The following ADAMTS17 variants were observed in gnomAD, a reference collection of about 807,000 sequenced individuals.
ADAMTS17 encodes A disintegrin and metalloproteinase with thrombospondin motifs 17.
Under a neutral mutation model 141.5 loss-of-function variants are expected in ADAMTS17, and 113 were observed. The observed-to-expected ratio is 0.80, with a 90% CI of 0.69 to 0.93. The LOEUF (loss-of-function observed/expected upper bound fraction) is 0.93, where lower values mean the gene tolerates loss of function less well. ADAMTS17 is among the 40% of genes least tolerant of loss of function. The probability of loss-of-function intolerance (pLI) is 0.00; values close to 1 mark genes in which losing one functional copy is unlikely to be tolerated. For missense variants in ADAMTS17, 1,659 were observed against 1,517.9 expected (o/e 1.09, Z -1.54); for synonymous variants, 768 against 630.6 (o/e 1.22, Z -3.27).
intron 18 of ADAMTS17, among the ~76,000 whole-genome samples, chr15:99,998,506 A>T (rs1364676950): frequency 1.3e-5 from 2 of 152,230 alleles, no homozygotes; most frequent in African/African-American, 4.8e-5. Flanking sequence ...CAGGAGGCTG[A>T]GGCAGGAGAA....
At chr15:99,976,645 A>G in intron 20 of ADAMTS17, 1 of 305,216 alleles carries the variant, frequency 3.3e-6, no homozygotes, top group Non-Finnish European at 6.3e-6. Flanking sequence ...TGGAGCCTCC[A>G]TGCTGGGAAT....
intron 18 of ADAMTS17, among the ~76,000 whole-genome samples, chr15:100,031,658 G>C (rs958563884): frequency 6.6e-6 from 1 of 152,178 alleles, no homozygotes; most frequent in Non-Finnish European, 1.5e-5. Context: ...TCTCATTTTC[G>C]ACATAATGCC....
chr15:100,309,868 G>A (rs573391108), intron 3 of ADAMTS17, among the ~76,000 whole-genome samples: 3 of 152,320 alleles, frequency 2.0e-5, no homozygotes, highest in East Asian at 1.9e-4. Context: ...GCCAACGCCT[G>A]TACACACGTG....
rs140955058 is a variant in ADAMTS17, at chr15:100,277,328, G to A, written c.789+3901C>T. Reference sequence around the variant, plus strand: ...AAAAACAGAGCCCTTCAGTCTTTACGGCCCATGAGGGGTGCAGGGTGGGAG... The same window carrying A: ...AAAAACAGAGCCCTTCAGTCTTTACAGCCCATGAGGGGTGCAGGGTGGGAG... On this transcript the variant is annotated intron_variant, in intron 4 of 21. Coordinates refer to ENST00000268070, the MANE Select transcript of ADAMTS17 (RefSeq NM_139057.4). Among the ~76,000 whole-genome samples the A allele has an allele frequency of 2.5e-3, 377 of 152,008 alleles. 1 individual carries two copies. The highest frequency in any genetic ancestry group is 8.1e-3 in the African/African-American group (336 of 41,438).
chr15:100,027,545 T>C (rs149394195), intron 18 of ADAMTS17, among the ~76,000 whole-genome samples: 1 of 152,382 alleles, frequency 6.6e-6, no homozygotes, highest in East Asian at 1.9e-4. Context: ...ACAGTTTTAT[T>C]AGAATACAGC....
chr15:100,243,978 C>T (rs1174041562), intron 7 of ADAMTS17, among the ~76,000 whole-genome samples: 1 of 152,032 alleles, frequency 6.6e-6, no homozygotes, highest in Non-Finnish European at 1.5e-5. Flanking sequence ...TCTATTCTCA[C>T]ACTGCTAATA....
At chr15:100,016,234 A>G (rs965984379) in intron 18 of ADAMTS17, among the ~76,000 whole-genome samples, 4 of 152,144 alleles carry the variant, frequency 2.6e-5, no homozygotes, top group Admixed American at 2.6e-4. Context: ...TCTTTATGCT[A>G]TCTATTTCCT....
intron 18 of ADAMTS17, among the ~76,000 whole-genome samples, chr15:100,015,346 G>A (rs926068214): frequency 6.6e-6 from 1 of 152,128 alleles, no homozygotes; most frequent in Non-Finnish European, 1.5e-5. Flanking sequence ...TACATTCAAT[G>A]TTCCTATTGG....
chr15:100,329,775 G>A (rs955360032), intron 3 of ADAMTS17, among the ~76,000 whole-genome samples: 2 of 152,132 alleles, frequency 1.3e-5, no homozygotes, highest in African/African-American at 2.4e-5. Context: ...TGCCCACACA[G>A]ACTAGGCTAA....
intron 17 of ADAMTS17, among the ~76,000 whole-genome samples, chr15:100,050,063 A>G (rs933588210): frequency 2.0e-5 from 3 of 152,156 alleles, no homozygotes; most frequent in Admixed American, 2.0e-4. Flanking sequence ...GCAATTTGTC[A>G]TGTAGGGATG....
intron 8 of ADAMTS17, among the ~76,000 whole-genome samples, chr15:100,159,361 T>TA (rs1304042810): frequency 6.6e-6 from 1 of 152,258 alleles, no homozygotes; most frequent in African/African-American, 2.4e-5. Flanking sequence ...ATCAGCTTTT[T>TA]ATTTTCTTCT....
intron 7 of ADAMTS17, among the ~76,000 whole-genome samples, chr15:100,231,878 C>G (rs1325726790): frequency 6.6e-6 from 1 of 152,156 alleles, no homozygotes; most frequent in Non-Finnish European, 1.5e-5. Flanking sequence ...GTAGTAATTC[C>G]TCATCCTTTT....
chr15:100,338,935 T>G, intron 2 of ADAMTS17: 4 of 985,082 alleles, frequency 4.1e-6, no homozygotes, highest in Non-Finnish European at 4.8e-6. Flanking sequence ...AGGACCACCT[T>G]GCAAACAAAG....
intron 8 of ADAMTS17, among the ~76,000 whole-genome samples, chr15:100,167,378 G>C (rs369129012): frequency 6.6e-6 from 1 of 152,152 alleles, no homozygotes; most frequent in South Asian, 2.1e-4. Context: ...CTGTTATCAC[G>C]TACTGACTCT....
At chr15:100,223,755 T>TATATAC (rs915057365) in intron 7 of ADAMTS17, among the ~76,000 whole-genome samples, 12 of 151,234 alleles carry the variant, frequency 7.9e-5, no homozygotes, top group African/African-American at 2.9e-4. Context: ...TATATATATA[T>TATATAC]ACACACACAC....
intron 15 of ADAMTS17, among the ~76,000 whole-genome samples, chr15:100,065,501 T>G (rs567246379): frequency 6.6e-6 from 1 of 152,370 alleles, no homozygotes; most frequent in East Asian, 1.9e-4. Context: ...CAGTTCTGTT[T>G]CTTCCTTTCT....
chr15:100,254,235 A>C, intron 6 of ADAMTS17, 56 bp from the exon 7 acceptor site: 1 of 1,505,038 alleles, frequency 6.6e-7, no homozygotes, highest in Non-Finnish European at 9.2e-7. Flanking sequence ...GAATGGGAGA[A>C]GAAAACACTG....
chr15:100,031,216 G>A (rs770946070), intron 18 of ADAMTS17, among the ~76,000 whole-genome samples: 3 of 152,196 alleles, frequency 2.0e-5, no homozygotes, highest in Non-Finnish European at 4.4e-5. Context: ...GGGTGAAATG[G>A]ATGGAGCATT....
In ADAMTS17 at chr15:100,301,748, G is replaced by A. The variant is rs529537853; in HGVS notation, c.617-20347C>T. Among the ~76,000 whole-genome samples, 7 of 152,066 alleles carry A rather than the reference G, an allele frequency of 4.6e-5. No homozygotes were observed. In the East Asian group the frequency reaches 5.8e-4, roughly 13 times the overall value. ...TTTACTCTACAGTTTTCTGATTATC[G>A]AAGTCAAGAACAATTTGATTTTCCC... On this transcript the variant is annotated intron_variant, in intron 3 of 21. Transcript: ENST00000268070.
Sources: gnomAD v4.1 joint callset for allele counts (sites outside exome capture counted in the v4.1 genomes callset) on GRCh38, gnomAD v4.1.1 for gene constraint, MANE v1.5 for transcripts, NCBI Gene and HGNC (gene_info 2026-07-23, HGNC 2026-07-21) for gene names.